Variants in RELN observed in about 807,000 individuals in gnomAD.
RELN encodes the protein reelin.
A neutral mutation model predicts 427.6 loss-of-function variants in RELN; 108 were observed. That is an observed-to-expected ratio of 0.25 (90% CI 0.22 to 0.30). The LOEUF is 0.30. RELN is among the 10% of genes least tolerant of loss of function. RELN has a pLI of 1.00. For synonymous variants in RELN, 1,524 were observed against 1,513.4 expected (o/e 1.01, Z -0.16); for missense variants, 3,715 against 4,302.8 (o/e 0.86, Z 3.82).
rs1554399106 is a variant in RELN at position 103,661,538 on chromosome 7, A to AG, written c.1290-12dup. 6.2e-7 allele frequency: 1 copy of AG among 1,610,418 alleles called. No individual in the cohort carries two copies. Among genetic ancestry groups the AG allele is most frequent in the South Asian group, 1.1e-5 (1 of 90,964 alleles). ...CCCAAGACATCCCATCTAAAAAAAA[A>AG]GGGGGATTAAGAGTTAGAGTTAGAA... On this transcript the variant is annotated splice_polypyrimidine_tract_variant and intron_variant, in intron 11 of 64. Transcript: ENST00000428762.
At chr7:103,728,326 A>C in intron 6 of RELN, 119 bp from the exon 7 acceptor site, 3 of 931,412 alleles carry the variant, frequency 3.2e-6, no homozygotes, top group Non-Finnish European at 5.1e-6. Context: ...ATTTTGAGGA[A>C]AGTAGGAGTA....
Position 103,776,601 on chromosome 7 carries a change from A to T in RELN, c.500T>A (p.Val167Asp), listed in dbSNP as rs1210042649. 3.7e-6 allele frequency: 6 copies of T among 1,613,994 alleles called. No homozygotes were observed. Among genetic ancestry groups the T allele is most frequent in the Non-Finnish European group, 5.1e-6 (6 of 1,179,980 alleles). Residue 167 changes from valine (V) to aspartate (D), a missense_variant, in exon 4 of 65, where the codon GTT becomes GAT. Physicochemically the swap from Val to Asp is radical, Grantham distance 152. Transcript: ENST00000428762. ...FMATATHRGQ[V>D]IFKDALAQQL... ...CTGGGCTAAAGCATCTTTGAAAATA[A>T]CCTGGCCCCGGTGTGTTGCTGTAGC...
intron 7 of RELN, among the ~76,000 whole-genome samples, chr7:103,726,217 G>T (rs1444617405): frequency 6.6e-6 from 1 of 151,954 alleles, no homozygotes; most frequent in Non-Finnish European, 1.5e-5. Flanking sequence ...CACAACTTGG[G>T]TACAATGTAT....
chr7:103,484,106 C>T (rs1411091158), intron 61 of RELN: 8 of 462,384 alleles, frequency 1.7e-5, no homozygotes, highest in Non-Finnish European at 3.2e-5. Context: ...TCTCGAACTC[C>T]TGACCTCAGG....
At chr7:103,768,345 T>G (rs1024459086) in intron 4 of RELN, among the ~76,000 whole-genome samples, 8 of 151,982 alleles carry the variant, frequency 5.3e-5, no homozygotes, top group Non-Finnish European at 1.2e-4. Flanking sequence ...TACAATTACT[T>G]GGAACCTCAG....
chr7:103,833,678 A>G lies in RELN; in HGVS notation c.338-6T>C. On this transcript the variant is annotated splice_region_variant and splice_polypyrimidine_tract_variant and intron_variant, in intron 2 of 64. Coordinates refer to ENST00000428762, the MANE Select transcript of RELN (RefSeq NM_005045.4). ...CTGGTGGTCAGACATGATCCCTAAG[A>G]GAAAGGAAGGAGAGTTGTTACAAAG... 6.2e-7 allele frequency: 1 copy of G among 1,612,866 alleles called. No individual in the cohort carries two copies. The highest frequency in any genetic ancestry group is 8.5e-7 in the Non-Finnish European group (1 of 1,179,116).
chr7:103,912,291 G>A (rs1160479359), intron 2 of RELN, among the ~76,000 whole-genome samples: 1 of 151,210 alleles, frequency 6.6e-6, no homozygotes, highest in Non-Finnish European at 1.5e-5. Flanking sequence ...CCACCTCCCG[G>A]GTCAAGTGAT....
intron 49 of RELN, among the ~76,000 whole-genome samples, chr7:103,518,505 G>GTTTTTTTTTTTTTTTTTTTTTTTTTTT (rs58239018): frequency 6.1e-5 from 7 of 114,364 alleles, no homozygotes; most frequent in Admixed American, 1.7e-4. Flanking sequence ...GGTAATTTAA[G>GTTTTTTTTTTTTTTTTTTTTTTTTTTT]TTTTTTTTTT....
intron 51 of RELN, among the ~76,000 whole-genome samples, chr7:103,510,038 G>C (rs181468736): frequency 6.6e-6 from 1 of 152,192 alleles, no homozygotes; most frequent in Non-Finnish European, 1.5e-5. Context: ...TACACTGTTG[G>C]TGGGAGTGTA....
chr7:103,804,534 A>T (rs1353489495), intron 3 of RELN, among the ~76,000 whole-genome samples: 3 of 152,272 alleles, frequency 2.0e-5, no homozygotes, highest in East Asian at 3.9e-4. Context: ...AAATCTACAC[A>T]CAGCTTCCAG....
chr7:103,647,584 C>T (rs987813233), intron 16 of RELN, among the ~76,000 whole-genome samples: 1 of 150,522 alleles, frequency 6.6e-6, no homozygotes, highest in Non-Finnish European at 1.5e-5. Context: ...ACATCCTATA[C>T]TCATGGATTA....
intron 4 of RELN, among the ~76,000 whole-genome samples, chr7:103,765,068 G>A (rs1293995529): frequency 1.3e-5 from 2 of 152,098 alleles, no homozygotes; most frequent in Non-Finnish European, 2.9e-5. Context: ...AAAGCCTGGC[G>A]ACACACACTG....
chr7:103,919,155 T>TTAGA (rs200010778), intron 1 of RELN, among the ~76,000 whole-genome samples: 9,709 of 144,574 alleles, frequency 0.067, 762 homozygotes, highest in East Asian at 0.19. Context: ...TTTTTTTTTT[T>TTAGA]TAGAAAGAGG....
In RELN at chr7:103,909,718, ATTAAATATATTTT is replaced by A. The variant is rs1795304952; in HGVS notation, c.337+7344_337+7356del. ...ATATATTTAATATATATAAATATAT[ATTAAATATATTTT>A]TTAATATATATAAATATATATATTA... On this transcript the variant is annotated intron_variant, in intron 2 of 64. Transcript: ENST00000428762. Among the ~76,000 whole-genome samples, 2 of 30,172 alleles carry A rather than the reference ATTAAATATATTTT, an allele frequency of 6.6e-5. 1 individual carries two copies. The highest frequency in any genetic ancestry group is 2.8e-4 in the African/African-American group (2 of 7,194). 19.8% of individuals were successfully genotyped at this position (30,172 alleles called of 152,430 possible). A position where few individuals can be genotyped will look rare whatever the true frequency, so the allele number is the denominator to read the frequency against.
At chr7:103,971,126 T>G (rs1229438553) in intron 1 of RELN, among the ~76,000 whole-genome samples, 3 of 139,144 alleles carry the variant, frequency 2.2e-5, no homozygotes, top group African/African-American at 8.2e-5. Context: ...CACTCGAGCC[T>G]GGGCGACAAG....
In RELN at chr7:103,988,378, T is replaced by G. The variant is rs1252116808; in HGVS notation, c.226+753A>C. Among the ~76,000 whole-genome samples the G allele has an allele frequency of 3.9e-5, 6 of 152,192 alleles. No homozygotes were observed. The highest frequency in any genetic ancestry group is 7.3e-5 in the Non-Finnish European group (5 of 68,032). On this transcript the variant is annotated intron_variant, in intron 1 of 64. Transcript: ENST00000428762. The surrounding 1 kb of genome is among the most constrained non-coding windows in gnomAD (Gnocchi z 4.9). ...TTCCATTTTTAAGATACCTCTAAAT[T>G]ATAAGGGATTCCAGCCTCTACCTGG... is the stretch of plus-strand genomic sequence containing the variant.
intron 25 of RELN, 134 bp from the exon 26 acceptor site, chr7:103,594,626 T>C: frequency 1.1e-6 from 1 of 920,774 alleles, no homozygotes; most frequent in Non-Finnish European, 1.7e-6. Flanking sequence ...CAAAAGCCCG[T>C]AAGTTTGGAC....
chr7:103,918,848 C>A (rs1795547516), intron 1 of RELN, among the ~76,000 whole-genome samples: 1 of 152,030 alleles, frequency 6.6e-6, no homozygotes, highest in South Asian at 2.1e-4. Context: ...CAAGACAGAT[C>A]AATGCAGAGA....
At chr7:103,609,346 A>T (rs1831894608) in intron 22 of RELN, among the ~76,000 whole-genome samples, 1 of 152,216 alleles carries the variant, frequency 6.6e-6, no homozygotes, top group Admixed American at 6.5e-5. Flanking sequence ...ATGAAAAAAT[A>T]AACCTCAGTA....
Sources: allele counts gnomAD v4.1 joint callset (sites outside exome capture counted in the v4.1 genomes callset), GRCh38; gene constraint gnomAD v4.1.1; non-coding constraint Gnocchi (gnomAD v3.1); transcripts MANE v1.5; gene names NCBI Gene and HGNC (gene_info 2026-07-23, HGNC 2026-07-21).